CA10: variants seen among roughly 807,000 people sequenced by gnomAD.
The protein encoded by CA10 is carbonic anhydrase-related protein 10.
In CA10, 14 loss-of-function variants were observed where a neutral mutation model predicts 44.2. The observed-to-expected ratio is 0.32, with a 90% CI of 0.21 to 0.50. The LOEUF is 0.50. CA10 is among the 20% of genes least tolerant of loss of function. CA10 has a pLI of 0.99. For synonymous variants in CA10, 159 were observed against 141.6 expected, an observed-to-expected ratio of 1.12 and a Z score of -0.87; for missense variants, 350 against 409.7, an observed-to-expected ratio of 0.85 and a Z score of 1.26.
chr17:52,042,302 G>C (rs1986792561), intron 2 of CA10, among the ~76,000 whole-genome samples: 1 of 151,964 alleles, frequency 6.6e-6, no homozygotes, highest in African/African-American at 2.4e-5. Context: ...CAGGTATGAA[G>C]TGATGCCTTG....
intron 2 of CA10, among the ~76,000 whole-genome samples, 197 bp downstream of exon 2, chr17:52,072,122 A>T (rs1471845227): frequency 6.6e-6 from 1 of 152,220 alleles, no homozygotes; most frequent in East Asian, 1.9e-4. Flanking sequence ...AGATTGAAGG[A>T]CATTGAGACT....
chr17:51,681,214 TA>T (rs1914834713), intron 4 of CA10, among the ~76,000 whole-genome samples: 1 of 152,218 alleles, frequency 6.6e-6, no homozygotes, highest in Admixed American at 6.5e-5. Context: ...ATGGGTATGG[TA>T]ATAGATTGTT....
intron 2 of CA10, among the ~76,000 whole-genome samples, chr17:52,054,731 G>T (rs983858527): frequency 1.8e-4 from 27 of 151,836 alleles, no homozygotes; most frequent in Admixed American, 9.8e-4. Context: ...AGGGAAAATA[G>T]AAAAGAACTT....
intron 2 of CA10, among the ~76,000 whole-genome samples, chr17:52,013,964 T>A (rs561709551): frequency 1.5e-3 from 234 of 151,890 alleles, no homozygotes; most frequent in African/African-American, 5.3e-3. Context: ...ATTTATTAAG[T>A]GAATATAAAT....
chr17:51,654,776 TC>T (rs1913726160), intron 4 of CA10, among the ~76,000 whole-genome samples: 1 of 152,150 alleles, frequency 6.6e-6, no homozygotes, highest in Non-Finnish European at 1.5e-5. Flanking sequence ...CAGGATGGTC[TC>T]CATCTCCTGA....
At chr17:51,875,945 C>T (rs1445164743) in intron 3 of CA10, among the ~76,000 whole-genome samples, 1 of 152,110 alleles carries the variant, frequency 6.6e-6, no homozygotes, top group Non-Finnish European at 1.5e-5. Context: ...CTTGACTTAG[C>T]ACAATGCCTT....
At chr17:51,737,887 T>C (rs1916965260) in intron 4 of CA10, among the ~76,000 whole-genome samples, 1 of 152,284 alleles carries the variant, frequency 6.6e-6, no homozygotes, top group South Asian at 2.1e-4. Context: ...TGGGGATAGA[T>C]TTATAGAGGC....
Position 51,905,974 on chromosome 17 carries a change from C to T in CA10, c.279+25016G>A, listed in dbSNP as rs144568562. Among the ~76,000 whole-genome samples, 31 of 152,262 alleles carry T rather than the reference C, an allele frequency of 2.0e-4. No homozygotes were observed. The East Asian group carries it at 5.2e-3, about 26-fold the overall frequency. On this transcript the variant is annotated intron_variant, in intron 3 of 8. Coordinates refer to ENST00000451037, the MANE Select transcript of CA10 (RefSeq NM_020178.5). Reference sequence around the variant, plus strand: ...GTTATGGGGGTAAGCTGTCCCTTCACCTGCTGGTGGCCAGCACCTCCTTTC... The same window carrying T: ...GTTATGGGGGTAAGCTGTCCCTTCATCTGCTGGTGGCCAGCACCTCCTTTC...
intron 2 of CA10, among the ~76,000 whole-genome samples, chr17:52,010,411 C>T (rs1204951752): frequency 2.6e-5 from 4 of 151,702 alleles, no homozygotes; most frequent in Admixed American, 2.6e-4. Context: ...TGTGTATGTA[C>T]ATACACATAC....
intron 3 of CA10, among the ~76,000 whole-genome samples, chr17:51,785,674 T>C (rs1244858656): frequency 6.6e-6 from 1 of 152,216 alleles, no homozygotes; most frequent in Admixed American, 6.5e-5. Flanking sequence ...GTGTCTGTTT[T>C]TATGCCAGTA....
At chr17:52,046,232 C>A (rs1053843058) in intron 2 of CA10, among the ~76,000 whole-genome samples, 1 of 146,844 alleles carries the variant, frequency 6.8e-6, no homozygotes, top group African/African-American at 2.5e-5. Context: ...AAATGGAAAA[C>A]AAAGAAAAAA....
chr17:51,765,367 C>T (rs993224872), intron 3 of CA10, among the ~76,000 whole-genome samples: 6 of 152,100 alleles, frequency 3.9e-5, no homozygotes, highest in African/African-American at 1.4e-4. Context: ...ATGTCAATTT[C>T]TAGTGATCAA....
chr17:51,962,725 G>GA (rs1247383203), intron 2 of CA10, among the ~76,000 whole-genome samples: 7 of 151,760 alleles, frequency 4.6e-5, no homozygotes, highest in Non-Finnish European at 7.4e-5. Flanking sequence ...GAAAGGGAAA[G>GA]AAAAAACCCG....
At chr17:52,123,341 G>A (rs949453742) in intron 1 of CA10, among the ~76,000 whole-genome samples, 6 of 147,560 alleles carry the variant, frequency 4.1e-5, no homozygotes, top group Admixed American at 3.5e-4. Context: ...GTGTGTGTGT[G>A]TGTGTGTGTG....
chr17:52,093,425 G>A (rs993254509), intron 1 of CA10, among the ~76,000 whole-genome samples: 3 of 152,032 alleles, frequency 2.0e-5, no homozygotes, highest in African/African-American at 4.8e-5. Context: ...CATCCTGACC[G>A]AAACCATCAC....
chr17:52,044,661 CAT>C (rs1344610886), intron 2 of CA10, among the ~76,000 whole-genome samples: 1 of 151,864 alleles, frequency 6.6e-6, no homozygotes, highest in Non-Finnish European at 1.5e-5. Context: ...AACTTCTAGA[CAT>C]AAAAAATTTA....
At chr17:52,131,333 C>T (rs1989234860) in intron 1 of CA10, among the ~76,000 whole-genome samples, 1 of 152,072 alleles carries the variant, frequency 6.6e-6, no homozygotes, top group Non-Finnish European at 1.5e-5. Context: ...AAATTTTGAA[C>T]AAATTAAAAA....
chr17:51,882,328 T>G (rs774362584), intron 3 of CA10, among the ~76,000 whole-genome samples: 18 of 152,182 alleles, frequency 1.2e-4, no homozygotes, highest in Non-Finnish European at 2.1e-4. Context: ...TTTTCCCAGT[T>G]AATCATTTGA....
intron 4 of CA10, among the ~76,000 whole-genome samples, chr17:51,659,054 C>G (rs1326539097): frequency 1.3e-5 from 2 of 152,120 alleles, no homozygotes; most frequent in Admixed American, 6.5e-5. Context: ...AAGGGATGCC[C>G]AGACAGCAGG....
Sources: allele counts gnomAD v4.1 joint callset (sites outside exome capture counted in the v4.1 genomes callset), GRCh38; gene constraint gnomAD v4.1.1; transcripts MANE v1.5; gene names NCBI Gene and HGNC (gene_info 2026-07-23, HGNC 2026-07-21).